Variants in PDE3A observed in about 807,000 individuals in gnomAD.
PDE3A encodes cGMP-inhibited 3',5'-cyclic phosphodiesterase 3A.
PDE3A carries 43 observed loss-of-function variants against 98.3 expected under a neutral mutation model. That is an observed-to-expected ratio of 0.44 (90% CI 0.34 to 0.56). The LOEUF is 0.56. Ranked by LOEUF, PDE3A falls within the 20% of genes least tolerant of loss-of-function variation. PDE3A has a pLI of 0.01. For synonymous variants in PDE3A, 663 were observed against 567.9 expected (o/e 1.17, Z -2.38); for missense variants, 1,427 against 1,440.7 (o/e 0.99, Z 0.15).
chr12:20,593,319 G>A (rs1943383844), intron 2 of PDE3A, among the ~76,000 whole-genome samples: 1 of 152,120 alleles, frequency 6.6e-6, no homozygotes, highest in Non-Finnish European at 1.5e-5. Flanking sequence ...AACTGGAAAA[G>A]GGCGGCGGGT....
chr12:20,433,802 T>C (rs1339156341), intron 1 of PDE3A, among the ~76,000 whole-genome samples: 1 of 152,176 alleles, frequency 6.6e-6, no homozygotes, highest in Non-Finnish European at 1.5e-5. Context: ...TCATTGTTTG[T>C]AGAATGTTTC....
intron 15 of PDE3A, among the ~76,000 whole-genome samples, chr12:20,654,734 G>A (rs910578637): frequency 7.1e-6 from 1 of 140,532 alleles, no homozygotes; most frequent in African/African-American, 2.7e-5. Context: ...GGATGGTCTC[G>A]ATCTCCTGAC....
chr12:20,399,814 C>T (rs1944086880), intron 1 of PDE3A, among the ~76,000 whole-genome samples: 1 of 152,130 alleles, frequency 6.6e-6, no homozygotes, highest in Non-Finnish European at 1.5e-5. Context: ...ATTCAAAATT[C>T]TGTTGTTAAG....
chr12:20,392,473 G>C (rs1465175404), intron 1 of PDE3A, among the ~76,000 whole-genome samples: 1 of 151,602 alleles, frequency 6.6e-6, no homozygotes, highest in Non-Finnish European at 1.5e-5. Context: ...AGTAGCTCAA[G>C]ATCAGCCTGG....
chr12:20,603,700 A>T (rs183877002), intron 2 of PDE3A, among the ~76,000 whole-genome samples: 1 of 151,362 alleles, frequency 6.6e-6, no homozygotes, highest in Non-Finnish European at 1.5e-5. Context: ...ATCTTTCTCA[A>T]CAACAATGTT....
intron 1 of PDE3A, among the ~76,000 whole-genome samples, chr12:20,514,524 A>G (rs995126594): frequency 6.6e-6 from 1 of 152,138 alleles, no homozygotes; most frequent in African/African-American, 2.4e-5. Context: ...CCTTGAAGAC[A>G]AAGGGTAGAA....
chr12:20,584,301 A>G lies in PDE3A; in HGVS notation c.1011+27591A>G, dbSNP rs111274599. Among the ~76,000 whole-genome samples, 5 of 152,304 alleles carry G rather than the reference A, an allele frequency of 3.3e-5. 1 individual carries two copies. The highest frequency in any genetic ancestry group is 1.2e-4 in the African/African-American group (5 of 41,572). The stretch of plus-strand genomic sequence containing the variant: ...TAATAGGTTTGTCAGAAAATTACAG[A>G]TTGTGATCAATAGCCCAGGGCATTC... On this transcript the variant is annotated intron_variant, in intron 2 of 15. Transcript: ENST00000359062.
intron 15 of PDE3A, among the ~76,000 whole-genome samples, chr12:20,677,931 G>A (rs553147852): frequency 1.3e-5 from 2 of 151,304 alleles, no homozygotes; most frequent in African/African-American, 2.5e-5. Context: ...ATTAGTGGAA[G>A]CCTGTTGTAA....
intron 1 of PDE3A, among the ~76,000 whole-genome samples, chr12:20,457,882 T>C (rs1366456170): frequency 6.6e-6 from 1 of 152,086 alleles, no homozygotes; most frequent in Admixed American, 6.6e-5. Flanking sequence ...TTCCCTAAAA[T>C]TGCTGCATTT....
intron 1 of PDE3A, among the ~76,000 whole-genome samples, chr12:20,391,588 T>G (rs1379112169): frequency 6.6e-6 from 1 of 151,508 alleles, no homozygotes; most frequent in Non-Finnish European, 1.5e-5. Context: ...TGGAGGACTT[T>G]TTTTTTTCCG....
At chr12:20,592,999 T>A (rs923458556) in intron 2 of PDE3A, among the ~76,000 whole-genome samples, 1 of 152,166 alleles carries the variant, frequency 6.6e-6, no homozygotes, top group African/African-American at 2.4e-5. Context: ...GAACAAAAAT[T>A]GTTCTCAAAT....
chr12:20,672,121 C>T (rs1945498661), intron 15 of PDE3A, among the ~76,000 whole-genome samples: 1 of 150,536 alleles, frequency 6.6e-6, no homozygotes, highest in African/African-American at 2.4e-5. Flanking sequence ...AATAAAATAC[C>T]TAGGAATCCA....
chr12:20,542,020 C>T (rs758112044), intron 1 of PDE3A, among the ~76,000 whole-genome samples: 4 of 151,918 alleles, frequency 2.6e-5, no homozygotes, highest in Non-Finnish European at 4.4e-5. Context: ...AGCCAAGGGT[C>T]GCGTAATGGG....
At chr12:20,614,492 G>T (rs1276149692) in intron 3 of PDE3A, among the ~76,000 whole-genome samples, 3 of 152,144 alleles carry the variant, frequency 2.0e-5, no homozygotes, top group African/African-American at 7.2e-5. Flanking sequence ...GCTGTTGTGA[G>T]TCTCTTCTCT....
chr12:20,578,694 G>A (rs1319068057), intron 2 of PDE3A, among the ~76,000 whole-genome samples: 1 of 152,038 alleles, frequency 6.6e-6, no homozygotes, highest in Non-Finnish European at 1.5e-5. Flanking sequence ...ATTAGATCTG[G>A]TTCTGCTTCC....
chr12:20,647,041 T>C, intron 12 of PDE3A, 91 bp downstream of exon 12: 2 of 840,284 alleles, frequency 2.4e-6, no homozygotes, highest in Non-Finnish European at 4.0e-6. Context: ...ACCAAGTTAA[T>C]ATAAGCCAAA....
intron 2 of PDE3A, among the ~76,000 whole-genome samples, chr12:20,590,303 G>A (rs528276321): frequency 2.0e-5 from 3 of 150,120 alleles, no homozygotes; most frequent in Non-Finnish European, 4.4e-5. Flanking sequence ...ATTTCAAGAA[G>A]CACCTTCCAA....
chr12:20,661,576 G>C (rs1004979388), intron 15 of PDE3A, among the ~76,000 whole-genome samples: 2 of 152,170 alleles, frequency 1.3e-5, no homozygotes, highest in East Asian at 3.9e-4. Flanking sequence ...TAGGGACTTG[G>C]TTCCCTGCAT....
rs567173272 is a variant in PDE3A at position 20,521,189 on chromosome 12, G to A, written c.961-35471G>A. ...GTAAGAATCAGGTTCATGTGGAGGT[G>A]TCTAGAAACAGGCTGGCTGGACAGG... On this transcript the variant is annotated intron_variant, in intron 1 of 15. Coordinates refer to ENST00000359062, the MANE Select transcript of PDE3A (RefSeq NM_000921.5). 6.2e-4 allele frequency among the ~76,000 whole-genome samples: 93 copies of A among 149,932 alleles called. 2 individuals are homozygous for A. In the South Asian group the frequency reaches 0.019, roughly 31 times the overall value.
Sources: gnomAD v4.1 joint callset for allele counts (sites outside exome capture counted in the v4.1 genomes callset) on GRCh38, gnomAD v4.1.1 for gene constraint, MANE v1.5 for transcripts, NCBI Gene and HGNC (gene_info 2026-07-23, HGNC 2026-07-21) for gene names.